The following PTPRJ variants were observed in gnomAD, a reference collection of about 807,000 sequenced individuals.
PTPRJ encodes the protein protein tyrosine phosphatase receptor type J, also known as receptor-type tyrosine-protein phosphatase eta.
In PTPRJ, 129 loss-of-function variants were observed where a neutral mutation model predicts 141.3. The ratio of observed to expected loss-of-function variants is 0.91; its 90% CI spans 0.79 to 1.06. PTPRJ has a LOEUF of 1.06. PTPRJ is among the 50% of genes least tolerant of loss of function. The pLI is 0.00. For synonymous variants in PTPRJ, 610 were observed against 640.5 expected (o/e 0.95, Z 0.72); for missense variants, 1,601 against 1,679.7 (o/e 0.95, Z 0.82).
intron 1 of PTPRJ, among the ~76,000 whole-genome samples, chr11:48,013,652 G>A (rs1854872863): frequency 1.3e-5 from 2 of 152,186 alleles, no homozygotes; most frequent in East Asian, 1.9e-4. Flanking sequence ...CTGCAGAGGC[G>A]GGGCAGTGGG....
chr11:48,161,172 C>A, intron 22 of PTPRJ, among the ~76,000 whole-genome samples: 2 of 30,554 alleles, frequency 6.5e-5, no homozygotes, highest in African/African-American at 1.5e-4. Flanking sequence ...CAAAGCAAGA[C>A]CCGGTCTCAA....
At chr11:48,028,996 G>A (rs769317913) in intron 1 of PTPRJ, among the ~76,000 whole-genome samples, 10 of 152,238 alleles carry the variant, frequency 6.6e-5, no homozygotes, top group Non-Finnish European at 8.8e-5. Context: ...GTTTCAGACC[G>A]TTTTCTGGTA....
At chr11:48,164,320 T>G in intron 23 of PTPRJ, 60 bp from the exon 24 acceptor site, 2 of 1,590,186 alleles carry the variant, frequency 1.3e-6, no homozygotes, top group African/African-American at 2.7e-5. Flanking sequence ...AATGAGGAAC[T>G]CTAAGAGGGT....
Position 48,127,974 on chromosome 11 carries a change from TACA to T in PTPRJ, c.1292_1294del (p.Asn431del). On this transcript the variant is annotated inframe_deletion, in exon 7 of 25. Coordinates refer to ENST00000418331, the MANE Select transcript of PTPRJ (RefSeq NM_002843.4). ...CCCCGGACTCCGCTCCAGCACCTTC[TACA>T]ACATCACAGTGTGTCCTGTCCTAGG... 4 of 1,614,184 alleles carry T rather than the reference TACA, an allele frequency of 2.5e-6. No homozygotes were observed. Among genetic ancestry groups the T allele is most frequent in the Non-Finnish European group, 8.5e-7 (1 of 1,180,020 alleles).
In PTPRJ at chr11:48,021,370, G is replaced by A. The variant is rs537083305; in HGVS notation, c.96+40362G>A. On this transcript the variant is annotated intron_variant, in intron 1 of 24. Coordinates refer to ENST00000418331, the MANE Select transcript of PTPRJ (RefSeq NM_002843.4). ...GCCTGGGCGGCAAGAGCAAGACTCC[G>A]TCCCTAAAATAAATAAATAAATAAA... Among the ~76,000 whole-genome samples, 4 of 141,918 alleles carry A rather than the reference G, an allele frequency of 2.8e-5. 1 individual carries two copies. Among genetic ancestry groups the A allele is most frequent in the Middle Eastern group, 3.6e-3 (1 of 278 alleles). 93.1% of individuals were successfully genotyped at this position (141,918 alleles called of 152,430 possible). A position where few individuals can be genotyped will look rare whatever the true frequency, so the allele number is the denominator to read the frequency against.
chr11:48,076,516 T>A (rs1855407522), intron 1 of PTPRJ, among the ~76,000 whole-genome samples: 1 of 152,204 alleles, frequency 6.6e-6, no homozygotes, highest in African/African-American at 2.4e-5. Context: ...TTTTGGTTCT[T>A]TCTCCTCATT....
At chr11:48,126,156 C>T (rs778568716) in intron 6 of PTPRJ, among the ~76,000 whole-genome samples, 1 of 152,176 alleles carries the variant, frequency 6.6e-6, no homozygotes, top group Admixed American at 6.5e-5. Flanking sequence ...TCAAGCCATG[C>T]ACCCAGGGCT....
Position 48,125,083 on chromosome 11 carries a change from C to T in PTPRJ, c.990C>T (p.Val330=). The T allele has an allele frequency of 6.2e-7, 1 of 1,614,036 alleles. No individual in the cohort carries two copies. Among genetic ancestry groups the T allele is most frequent in the Non-Finnish European group, 8.5e-7 (1 of 1,180,022 alleles). ...SSGQQSRDTE[V]LLVGLEPGTR... ...GCCAGCAGTCCCGAGACACGGAAGT[C>T]CTGCTTGTCGGGTTAGAGCCTGGCA... The change falls in exon 6 of 25, where the codon GTC becomes GTT. Residue 330 remains valine (V), a synonymous_variant. Coordinates refer to ENST00000418331, the MANE Select transcript of PTPRJ (RefSeq NM_002843.4).
chr11:48,062,016 C>T (rs1235709445), intron 1 of PTPRJ, among the ~76,000 whole-genome samples: 3 of 151,576 alleles, frequency 2.0e-5, no homozygotes, highest in African/African-American at 4.8e-5. Context: ...ACGATCCCCC[C>T]ACCTCAGCCT....
chr11:48,055,783 C>A (rs948121477), intron 1 of PTPRJ, among the ~76,000 whole-genome samples: 1 of 152,204 alleles, frequency 6.6e-6, no homozygotes, highest in South Asian at 2.1e-4. Flanking sequence ...TCACTGACCT[C>A]AGGATCCAGC....
At chr11:48,092,310 A>G (rs1855888747) in intron 1 of PTPRJ, among the ~76,000 whole-genome samples, 2 of 148,996 alleles carry the variant, frequency 1.3e-5, no homozygotes, top group African/African-American at 5.1e-5. Context: ...AAAAAAAAAA[A>G]AAAAAAAGAA....
At chr11:48,015,937 G>C (rs909274345) in intron 1 of PTPRJ, 1 of 151,898 alleles carries the variant, frequency 6.6e-6, no homozygotes, top group African/African-American at 2.4e-5. Context: ...TGGGGAAGTC[G>C]GGCTCCAAGC....
intron 3 of PTPRJ, among the ~76,000 whole-genome samples, chr11:48,114,792 A>G (rs925755878): frequency 1.3e-5 from 2 of 152,250 alleles, no homozygotes; most frequent in African/African-American, 2.4e-5. Flanking sequence ...AGCCTAGCAA[A>G]CTTTAAGAAA....
intron 8 of PTPRJ, 110 bp from the exon 9 acceptor site, chr11:48,135,929 C>A: frequency 7.8e-7 from 1 of 1,289,312 alleles, no homozygotes; most frequent in South Asian, 1.4e-5. Context: ...TTTGTGAACT[C>A]ATTAGAAAGC....
chr11:48,066,818 T>C (rs1855096953), intron 1 of PTPRJ, among the ~76,000 whole-genome samples: 1 of 152,102 alleles, frequency 6.6e-6, no homozygotes, highest in African/African-American at 2.4e-5. Flanking sequence ...ACTCCTGACC[T>C]CAGGTGATCC....
At chr11:48,106,246 C>T (rs1178684460) in intron 1 of PTPRJ, among the ~76,000 whole-genome samples, 2 of 152,132 alleles carry the variant, frequency 1.3e-5, no homozygotes, top group Non-Finnish European at 2.9e-5. Flanking sequence ...CGAGTCAGGG[C>T]GTTGCTCTAA....
intron 10 of PTPRJ, among the ~76,000 whole-genome samples, chr11:48,138,153 C>T (rs1427221571): frequency 6.6e-6 from 1 of 152,222 alleles, no homozygotes; most frequent in Non-Finnish European, 1.5e-5. Context: ...ATGGGATCAG[C>T]CTCCCTGGTA....
intron 1 of PTPRJ, among the ~76,000 whole-genome samples, chr11:48,015,484 C>A (rs1854926319): frequency 6.6e-6 from 1 of 152,140 alleles, no homozygotes; most frequent in African/African-American, 2.4e-5. Context: ...TTTGCCTTGC[C>A]TGGTTCTCTT....
chr11:48,149,888 A>T, intron 16 of PTPRJ, 102 bp from the exon 17 acceptor site: 1 of 882,820 alleles, frequency 1.1e-6, no homozygotes, highest in Non-Finnish European at 1.8e-6. Flanking sequence ...GCCAAATTAT[A>T]CCCTGGGTTT....
Sources: gnomAD v4.1 joint callset for allele counts (sites outside exome capture counted in the v4.1 genomes callset) on GRCh38, gnomAD v4.1.1 for gene constraint, MANE v1.5 for transcripts, NCBI Gene and HGNC (gene_info 2026-07-23, HGNC 2026-07-21) for gene names.